GALNT16: variants seen among roughly 807,000 people sequenced by gnomAD.
GALNT16 encodes polypeptide N-acetylgalactosaminyltransferase 16.
GALNT16 carries 40 observed loss-of-function variants against 76.1 expected under a neutral mutation model. That is an observed-to-expected ratio of 0.53 (90% CI 0.41 to 0.68). The LOEUF (loss-of-function observed/expected upper bound fraction) is 0.68, where lower values mean the gene tolerates loss of function less well. GALNT16 is among the 30% of genes least tolerant of loss of function. The pLI is 0.00. For synonymous variants in GALNT16, 276 were observed against 285.2 expected (o/e 0.97, Z 0.32); for missense variants, 621 against 731.9 (o/e 0.85, Z 1.75).
At chr14:69,356,324 C>G (rs56137363), downstream of GALNT16, 2 of 151,794 alleles carry the variant, frequency 1.3e-5, no homozygotes, top group African/African-American at 2.4e-5. Context: ...ACTAGGGGTG[C>G]GGACTCTTGG....
chr14:69,345,649 G>T (rs72625681), intron 12 of GALNT16, among the ~76,000 whole-genome samples: 17,415 of 151,218 alleles, frequency 0.12, 1,185 homozygotes, highest in East Asian at 0.28. Flanking sequence ...AGGTATGCAA[G>T]CCTGCAGCAG....
intron 9 of GALNT16, among the ~76,000 whole-genome samples, chr14:69,336,609 C>G (rs1290339246): frequency 6.6e-6 from 1 of 152,246 alleles, no homozygotes; most frequent in Non-Finnish European, 1.5e-5. Context: ...TTAGTCCTCC[C>G]CCACCACCAT....
chr14:69,336,049 G>A (rs1266817400), intron 9 of GALNT16, among the ~76,000 whole-genome samples: 4 of 152,078 alleles, frequency 2.6e-5, no homozygotes, highest in Non-Finnish European at 4.4e-5. Flanking sequence ...CTGCAGCCCC[G>A]CAGCCACACC....
chr14:69,293,512 T>G (rs528578885), intron 1 of GALNT16, among the ~76,000 whole-genome samples: 1 of 152,316 alleles, frequency 6.6e-6, no homozygotes, highest in African/African-American at 2.4e-5. Context: ...GTCAAGTACT[T>G]TGTATTCATT....
chr14:69,329,069 G>T (rs893099411), intron 6 of GALNT16, among the ~76,000 whole-genome samples: 10 of 152,172 alleles, frequency 6.6e-5, no homozygotes, highest in African/African-American at 2.4e-4. Context: ...TTAAAAATTG[G>T]CAAAGGGGCC....
At chr14:69,361,622 T>G (rs553172934), downstream of GALNT16, among the ~76,000 whole-genome samples, 6 of 152,330 alleles carry the variant, frequency 3.9e-5, no homozygotes, top group Admixed American at 2.0e-4. Context: ...CTTACATGGC[T>G]GATTCTTAGA....
At chr14:69,331,427 G>T (rs1176409051) in intron 6 of GALNT16, 37 bp from the exon 7 acceptor site, 2 of 1,193,532 alleles carry the variant, frequency 1.7e-6, no homozygotes, top group Admixed American at 1.7e-5. Context: ...CTGCAGAGAA[G>T]TCCCAGGCCT....
downstream of GALNT16, among the ~76,000 whole-genome samples, chr14:69,359,576 G>C (rs1054184127): frequency 1.3e-5 from 2 of 152,220 alleles, 1 homozygote; most frequent in Middle Eastern, 6.8e-3. Flanking sequence ...ACTCCAATGA[G>C]GTAGGTTCTC....
rs2296726 is a variant in GALNT16, at chr14:69,353,209, C to T, written c.*1041C>T. The stretch of plus-strand genomic sequence containing the variant: ...GGTGGTTGGAAAGAAGGGAACTTCC[C>T]TTCTGGACCAAGAACAGCCCCTAAG... On this transcript the variant is annotated 3_prime_UTR_variant, in exon 15 of 15. Coordinates refer to ENST00000448469, the MANE Select transcript of GALNT16 (RefSeq NM_001168368.2). The T allele has an allele frequency of 0.26, 39,076 of 152,044 alleles. 5,385 individuals carry two copies. Among genetic ancestry groups the T allele is most frequent in the Middle Eastern group, 0.39 (116 of 294 alleles). The allele number at this position is 152,044 out of a possible 1,614,324, so 9.4% of individuals were successfully genotyped here.
At chr14:69,336,564 C>A (rs2045417818) in intron 9 of GALNT16, among the ~76,000 whole-genome samples, 2 of 152,196 alleles carry the variant, frequency 1.3e-5, no homozygotes, top group African/African-American at 4.8e-5. Flanking sequence ...TTTATAGTGA[C>A]AACTCCCCTC....
intron 1 of GALNT16, among the ~76,000 whole-genome samples, chr14:69,278,096 A>G (rs865999979): frequency 1.3e-5 from 2 of 151,434 alleles, no homozygotes; most frequent in African/African-American, 4.9e-5. Context: ...ATAACCTCCA[A>G]CTCCTGGGCT....
chr14:69,365,219 G>A, the GALNT16 span, among the ~76,000 whole-genome samples: 1 of 152,198 alleles, frequency 6.6e-6, no homozygotes, highest in Non-Finnish European at 1.5e-5. Flanking sequence ...GAGTTAAAGT[G>A]GGGGTAGGAT....
At position 69,325,220 on chromosome 14, in the gene GALNT16, G is replaced by A. The variant is rs188626619; in HGVS notation, c.435-117G>A. The stretch of plus-strand genomic sequence containing the variant: ...ACAAGAATAGGATTCAGGTAGGAGC[G>A]CCCAGCATGCTGGCCCTGGAGCTGG... On this transcript the variant is annotated intron_variant, in intron 3 of 14. Coordinates refer to ENST00000448469, the MANE Select transcript of GALNT16 (RefSeq NM_001168368.2). 2,649 of 739,594 alleles carry A rather than the reference G, an allele frequency of 3.6e-3. 15 individuals carry two copies. The highest frequency in any genetic ancestry group is 0.015 in the Middle Eastern group (51 of 3,478). The allele number at this position is 739,594 out of a possible 1,614,324, so 45.8% of individuals were successfully genotyped here.
downstream of GALNT16, chr14:69,358,304 G>A (rs1331875370): frequency 6.6e-6 from 1 of 152,456 alleles, no homozygotes; most frequent in East Asian, 1.9e-4. Flanking sequence ...AGCATGGCAG[G>A]AGGCTTGCTC....
At chr14:69,291,372 C>A (rs1466032089) in intron 1 of GALNT16, among the ~76,000 whole-genome samples, 2 of 152,208 alleles carry the variant, frequency 1.3e-5, no homozygotes, top group Non-Finnish European at 2.9e-5. Context: ...AAGCCCCCCT[C>A]CCCGGCTTAT....
intron 1 of GALNT16, among the ~76,000 whole-genome samples, chr14:69,314,232 T>G (rs2140155117): frequency 6.6e-6 from 1 of 152,396 alleles, no homozygotes; most frequent in African/African-American, 2.4e-5. Context: ...ACAATTTATG[T>G]GCCAGGCACT....
intron 11 of GALNT16, among the ~76,000 whole-genome samples, chr14:69,340,992 T>C (rs2045478795): frequency 6.6e-6 from 1 of 152,386 alleles, no homozygotes; most frequent in African/African-American, 2.4e-5. Context: ...CATATCTATC[T>C]CCCTTTTTTT....
At chr14:69,380,373 G>T in the GALNT16 span, 1 of 438,640 alleles carries the variant, frequency 2.3e-6, no homozygotes. Flanking sequence ...GGTAACGGGG[G>T]TTTCCGATTG....
At chr14:69,309,345 C>G (rs1480528254) in intron 1 of GALNT16, among the ~76,000 whole-genome samples, 1 of 151,496 alleles carries the variant, frequency 6.6e-6, no homozygotes, top group East Asian at 1.9e-4. Flanking sequence ...CTCTGTCACC[C>G]AAGCTGGAGT....
Sources: gnomAD v4.1 joint callset for allele counts (sites outside exome capture counted in the v4.1 genomes callset) on GRCh38, gnomAD v4.1.1 for gene constraint, MANE v1.5 for transcripts, NCBI Gene and HGNC (gene_info 2026-07-23, HGNC 2026-07-21) for gene names.